Variants in ARHGAP17 observed in about 807,000 individuals in gnomAD.
ARHGAP17 encodes the protein rho GTPase-activating protein 17.
ARHGAP17 carries 57 observed loss-of-function variants against 99.5 expected under a neutral mutation model. The observed-to-expected ratio is 0.57, with a 90% CI of 0.46 to 0.71. The LOEUF (loss-of-function observed/expected upper bound fraction) is 0.71. ARHGAP17 is among the 30% of genes least tolerant of loss of function. The pLI is 0.00. For missense variants in ARHGAP17, 1,000 were observed against 1,122.4 expected, an observed-to-expected ratio of 0.89 and a Z score of 1.56; for synonymous variants, 417 against 429.6, an observed-to-expected ratio of 0.97 and a Z score of 0.36.
At chr16:24,930,722 TGTA>T in intron 19 of ARHGAP17, 59 bp downstream of exon 19, 1 of 1,613,870 alleles carries the variant, frequency 6.2e-7, no homozygotes, top group Non-Finnish European at 8.5e-7. Flanking sequence ...TTAAATAAAA[TGTA>T]GTAGTACAAA....
chr16:24,988,418 T>C (rs974725414), intron 1 of ARHGAP17, among the ~76,000 whole-genome samples: 1 of 152,216 alleles, frequency 6.6e-6, no homozygotes, highest in Admixed American at 6.5e-5. Flanking sequence ...GAAAATATTT[T>C]GGCAATGACG....
At chr16:24,970,348 G>C (rs1217667375) in intron 4 of ARHGAP17, among the ~76,000 whole-genome samples, 159 bp downstream of exon 4, 1 of 152,194 alleles carries the variant, frequency 6.6e-6, no homozygotes, top group Non-Finnish European at 1.5e-5. Flanking sequence ...TGGCGGCCTT[G>C]ACCCCACTTT....
In ARHGAP17 at chr16:24,949,303, G is replaced by T. The variant is rs1275302492; in HGVS notation, c.1127+101C>A. The T allele has an allele frequency of 6.7e-5, 57 of 846,232 alleles. No individual in the cohort carries two copies. In the South Asian group the frequency reaches 1.0e-3, roughly 15 times the overall value. The allele number at this position is 846,232 out of a possible 1,614,324, so 52.4% of individuals were successfully genotyped here. A position where few individuals can be genotyped will look rare whatever the true frequency, so the allele number is the denominator to read the frequency against. ...TGATGTGGTTTTTTTTGTTGTTGTT[G>T]TTGTTTTTTAATGTGCCAAGTATGC... On this transcript the variant is annotated intron_variant, in intron 13 of 19. Coordinates refer to ENST00000289968, the MANE Select transcript of ARHGAP17 (RefSeq NM_001006634.3).
At chr16:24,993,678 C>A (rs1457433066) in intron 1 of ARHGAP17, among the ~76,000 whole-genome samples, 1 of 151,970 alleles carries the variant, frequency 6.6e-6, no homozygotes, top group African/African-American at 2.4e-5. Context: ...CAGGCAGACA[C>A]CCATTAAGTG....
chr16:24,995,975 G>A lies in ARHGAP17; in HGVS notation c.54-16970C>T, dbSNP rs118087549. ...ACTCTTGGGCTCAAGCAATCCTCCC[G>A]CCTCAACCTCTCCAGTATCTGGGAC... On this transcript the variant is annotated intron_variant, in intron 1 of 19. Coordinates refer to ENST00000289968, the MANE Select transcript of ARHGAP17 (RefSeq NM_001006634.3). Among the ~76,000 whole-genome samples the A allele has an allele frequency of 6.3e-3, 959 of 151,916 alleles. 10 individuals are homozygous for A. The highest frequency in any genetic ancestry group is 0.011 in the Non-Finnish European group (758 of 67,972).
At position 24,947,524 on chromosome 16, in the gene ARHGAP17, G is replaced by T. The variant is rs2051508354; in HGVS notation, c.1199C>A (p.Ala400Glu). The stretch of plus-strand genomic sequence containing the variant: ...TAACAAGTTAGGGCCTAACACAATC[G>T]CAATGTTGCTGGGAGTCATTTTATT... ...DVNKMTPSNI[A>E]IVLGPNLLWA... Residue 400 changes from alanine to glutamate, a missense_variant, in exon 14 of 20, where the codon GCG (alanine) becomes GAG (glutamate). Coordinates refer to ENST00000289968, the MANE Select transcript of ARHGAP17 (RefSeq NM_001006634.3). 6.2e-7 allele frequency: 1 copy of T among 1,613,560 alleles called. No homozygotes were observed. Among genetic ancestry groups the T allele is most frequent in the Non-Finnish European group, 8.5e-7 (1 of 1,180,006 alleles).
At position 24,930,793 on chromosome 16, in the gene ARHGAP17, T is replaced by C; in HGVS notation, c.2506A>G (p.Ile836Val). 3.1e-6 allele frequency: 5 copies of C among 1,614,096 alleles called. No homozygotes were observed. Among genetic ancestry groups the C allele is most frequent in the Non-Finnish European group, 4.2e-6 (5 of 1,180,018 alleles). Residue 836 changes from isoleucine (I) to valine (V), a missense_variant, in exon 19 of 20, where the codon ATA (isoleucine) becomes GTA (valine). This residue lies in a region of ARHGAP17 where 528 missense variants were observed against 511.4 expected (regional missense o/e 1.03). Coordinates refer to ENST00000289968, the MANE Select transcript of ARHGAP17 (RefSeq NM_001006634.3). ...TTGATGTCCTACTTACCTGTTACTATCTTGGAAGCTGTTGGTGCTGTGTTG... is the reference window on the plus strand; with the variant it reads ...TTGATGTCCTACTTACCTGTTACTACCTTGGAAGCTGTTGGTGCTGTGTTG... ...LTNTAPTASK[I>V]VTDSNSRVSE...
chr16:24,940,529 C>CA (rs2051283544), intron 16 of ARHGAP17, among the ~76,000 whole-genome samples: 1 of 152,028 alleles, frequency 6.6e-6, no homozygotes, highest in African/African-American at 2.4e-5. Flanking sequence ...CCTGTCTCTA[C>CA]AAAAAACTAT....
intron 14 of ARHGAP17, among the ~76,000 whole-genome samples, chr16:24,945,006 T>G (rs1468505143): frequency 6.6e-6 from 1 of 151,890 alleles, no homozygotes; most frequent in East Asian, 1.9e-4. Context: ...AGTGTTCAGA[T>G]GTTAATAGTG....
At chr16:24,995,130 G>A (rs1396366983) in intron 1 of ARHGAP17, among the ~76,000 whole-genome samples, 1 of 152,134 alleles carries the variant, frequency 6.6e-6, no homozygotes, top group African/African-American at 2.4e-5. Flanking sequence ...ACAGCATAAG[G>A]GTAATGGCCC....
intron 4 of ARHGAP17, among the ~76,000 whole-genome samples, chr16:24,969,973 A>C (rs1276850383): frequency 6.6e-6 from 1 of 152,234 alleles, no homozygotes; most frequent in Non-Finnish European, 1.5e-5. Context: ...AGGAGCAGAC[A>C]GAAGGGTATA....
chr16:24,990,863 G>C (rs997024357), intron 1 of ARHGAP17, among the ~76,000 whole-genome samples: 1 of 150,932 alleles, frequency 6.6e-6, no homozygotes, highest in African/African-American at 2.4e-5. Context: ...AGCAACAGCT[G>C]GCAGGTGGCA....
chr16:25,002,016 G>A (rs911854219), intron 1 of ARHGAP17, among the ~76,000 whole-genome samples: 2 of 151,882 alleles, frequency 1.3e-5, no homozygotes, highest in Non-Finnish European at 1.5e-5. Flanking sequence ...GGGAGACAGA[G>A]GTTGCAGTGA....
At chr16:24,924,201 T>C (rs2050784534) in intron 19 of ARHGAP17, among the ~76,000 whole-genome samples, 1 of 152,092 alleles carries the variant, frequency 6.6e-6, no homozygotes, top group African/African-American at 2.4e-5. Flanking sequence ...AACACTCTGG[T>C]TGATTGTTGT....
chr16:24,930,996 T>C lies in ARHGAP17; in HGVS notation c.2303A>G (p.Lys768Arg). Residue 768 changes from lysine to arginine, a missense_variant, in exon 19 of 20, where the codon AAA becomes AGA. By Grantham distance (26) the Lys-to-Arg change is conservative. Transcript: ENST00000289968. Reference sequence around the variant, plus strand: ...AGGAGCTGGCAGACTGGGGTTCTGTTTTCCTAGGGGCGGAGTACTGGGGGG... The same window carrying C: ...AGGAGCTGGCAGACTGGGGTTCTGTCTTCCTAGGGGCGGAGTACTGGGGGG... ...PTPPSTPPLG[K>R]QNPSLPAPQT... 1 of 1,613,728 alleles carries C rather than the reference T, an allele frequency of 6.2e-7. No individual in the cohort carries two copies. Among genetic ancestry groups the C allele is most frequent in the Non-Finnish European group, 8.5e-7 (1 of 1,179,876 alleles).
intron 10 of ARHGAP17, among the ~76,000 whole-genome samples, chr16:24,953,953 T>A (rs1293285027): frequency 2.0e-5 from 3 of 152,054 alleles, no homozygotes; most frequent in Non-Finnish European, 4.4e-5. Flanking sequence ...CATGGGTGGG[T>A]TTAGTCATGC....
At chr16:24,928,314 T>C (rs1460888490) in intron 19 of ARHGAP17, among the ~76,000 whole-genome samples, 2 of 152,334 alleles carry the variant, frequency 1.3e-5, no homozygotes, top group Non-Finnish European at 2.9e-5. Context: ...CTGGAATTTC[T>C]TGAGTTAGGA....
chr16:24,977,989 G>C (rs533428832), intron 2 of ARHGAP17, among the ~76,000 whole-genome samples: 2 of 152,070 alleles, frequency 1.3e-5, no homozygotes, highest in Non-Finnish European at 2.9e-5. Flanking sequence ...ACCATTTTAC[G>C]CATCGAGATG....
At position 24,952,272 on chromosome 16, in the gene ARHGAP17, G is replaced by A; in HGVS notation, c.1046+17C>T. On this transcript the variant is annotated intron_variant, in intron 12 of 19. Transcript: ENST00000289968. ...CATTCCCTTTAACATTTACAACTCTGTGTTCTTTAAACTTACCTTGCAACT... is the reference window on the plus strand; with the variant it reads ...CATTCCCTTTAACATTTACAACTCTATGTTCTTTAAACTTACCTTGCAACT... 6.3e-7 allele frequency: 1 copy of A among 1,589,062 alleles called. No individual in the cohort carries two copies. Among genetic ancestry groups the A allele is most frequent in the South Asian group, 1.1e-5 (1 of 89,538 alleles).
Sources: allele counts gnomAD v4.1 joint callset (sites outside exome capture counted in the v4.1 genomes callset), GRCh38; gene constraint gnomAD v4.1.1; regional missense constraint gnomAD v4.1.1; transcripts MANE v1.5; gene names NCBI Gene and HGNC (gene_info 2026-07-23, HGNC 2026-07-21).